PRDM1: variants seen among roughly 807,000 people sequenced by gnomAD.
PRDM1 encodes the protein PR domain zinc finger protein 1.
A neutral mutation model predicts 62.8 loss-of-function variants in PRDM1; 13 were observed. The ratio of observed to expected loss-of-function variants is 0.21; its 90% CI spans 0.13 to 0.33. PRDM1 has a LOEUF of 0.33. PRDM1 is among the 10% of genes least tolerant of loss of function. The pLI, the probability that PRDM1 is intolerant of heterozygous loss-of-function variation, is 1.00. For synonymous variants in PRDM1, 396 were observed against 417.6 expected, an observed-to-expected ratio of 0.95 and a Z score of 0.63; for missense variants, 895 against 1,058.8, an observed-to-expected ratio of 0.85 and a Z score of 2.15.
chr6:106,109,064 A>G lies in PRDM1; in HGVS notation c.*1578A>G, dbSNP rs989668026. The stretch of plus-strand genomic sequence containing the variant: ...AACCACTTAAATTGTGAGCCAAGCC[A>G]TGTAAAAGATCTACTTTTTCTAAGG... On this transcript the variant is annotated 3_prime_UTR_variant, in exon 7 of 7. Transcript: ENST00000369096. 5.2e-6 allele frequency: 1 copy of G among 193,882 alleles called. No individual in the cohort carries two copies. Among genetic ancestry groups the G allele is most frequent in the Non-Finnish European group, 1.0e-5 (1 of 96,288 alleles). 12.0% of individuals were successfully genotyped at this position (193,882 alleles called of 1,614,324 possible).
intron 1 of PRDM1, among the ~76,000 whole-genome samples, chr6:106,025,828 G>A (rs1266338392): frequency 6.6e-6 from 1 of 152,166 alleles, no homozygotes; most frequent in African/African-American, 2.4e-5. Flanking sequence ...TGTCTTTCTG[G>A]TGTTTAGTCA....
At chr6:106,017,142 C>A (rs1177189494) in intron 1 of PRDM1, among the ~76,000 whole-genome samples, 1 of 152,136 alleles carries the variant, frequency 6.6e-6, no homozygotes, top group Non-Finnish European at 1.5e-5. Flanking sequence ...GTTATTGGTT[C>A]TGGTCAACAG....
chr6:106,041,504 TAG>T (rs1772993792), intron 1 of PRDM1, among the ~76,000 whole-genome samples: 2 of 152,172 alleles, frequency 1.3e-5, no homozygotes, highest in African/African-American at 4.8e-5. Context: ...CTACTAATTA[TAG>T]AGAGTTTGGA....
intron 1 of PRDM1, among the ~76,000 whole-genome samples, chr6:106,016,558 A>G (rs901633587): frequency 1.3e-5 from 2 of 151,906 alleles, no homozygotes; most frequent in Admixed American, 6.6e-5. Context: ...AGTTTATTTC[A>G]TAAAGGACAA....
chr6:105,999,741 A>C (rs906810831), intron 1 of PRDM1, among the ~76,000 whole-genome samples: 1 of 152,246 alleles, frequency 6.6e-6, no homozygotes, highest in African/African-American at 2.4e-5. Flanking sequence ...TATGGGTTAA[A>C]TATAAGTTAT....
intron 2 of PRDM1, among the ~76,000 whole-genome samples, chr6:106,094,149 A>G (rs1774028376): frequency 1.3e-5 from 2 of 152,242 alleles, no homozygotes; most frequent in South Asian, 2.1e-4. Context: ...GCATGGATCG[A>G]TTCACATATT....
At chr6:106,093,937 T>G (rs1408803391) in intron 2 of PRDM1, among the ~76,000 whole-genome samples, 2 of 152,234 alleles carry the variant, frequency 1.3e-5, no homozygotes, top group East Asian at 3.8e-4. Flanking sequence ...GTATGCTTCA[T>G]TGATTTGTAT....
intron 4 of PRDM1, among the ~76,000 whole-genome samples, chr6:106,101,996 A>G (rs72941692): frequency 0.044 from 6,740 of 152,270 alleles, 208 homozygotes; most frequent in Non-Finnish European, 0.074. Flanking sequence ...TATCTATCTA[A>G]CTAACCCATC....
chr6:106,083,207 G>C (rs528516055), upstream of PRDM1, among the ~76,000 whole-genome samples: 4 of 118,612 alleles, frequency 3.4e-5, no homozygotes, highest in African/African-American at 1.3e-4. Context: ...AGCGGGAAAT[G>C]GGTGTGGGGG....
upstream of PRDM1, among the ~76,000 whole-genome samples, chr6:106,047,895 T>C (rs562688533): frequency 8.6e-4 from 131 of 152,266 alleles, no homozygotes; most frequent in Non-Finnish European, 1.6e-3. Flanking sequence ...ACCTGGGACA[T>C]TTAAATGAAT....
chr6:106,009,372 C>T lies in PRDM1; in HGVS notation c.-67+15733C>T, dbSNP rs1772518554. Among the ~76,000 whole-genome samples, 8 of 152,252 alleles carry T rather than the reference C, an allele frequency of 5.3e-5. 1 individual carries two copies. The South Asian group carries it at 1.7e-3, about 32-fold the overall frequency. ...TTCCTTTTGGTCCGGAAAGCTGGAT[C>T]ACCCTAGGCTGAAGGAAAAAATGTA... is the stretch of plus-strand genomic sequence containing the variant. On this transcript the variant is annotated intron_variant, in intron 1 of 6. Transcript: ENST00000652320.
At position 106,069,378 on chromosome 6, in the gene PRDM1, A is replaced by C. The variant is rs1029644694; in HGVS notation, c.-66-18823A>C. Among the ~76,000 whole-genome samples the C allele has an allele frequency of 2.0e-5, 3 of 152,344 alleles. No individual in the cohort carries two copies. In the East Asian group the frequency reaches 5.8e-4, roughly 29 times the overall value. On this transcript the variant is annotated intron_variant, in intron 1 of 6. Coordinates refer to the PRDM1 transcript ENST00000651185. ...AGTTATCAAAATTGTTTGTAGACTC[A>C]TGCAACTCCAAAGTGGCGTTAAGTG...
intron 1 of PRDM1, among the ~76,000 whole-genome samples, chr6:106,034,270 C>T (rs1772891487): frequency 1.3e-5 from 2 of 151,594 alleles, no homozygotes; most frequent in South Asian, 2.1e-4. Flanking sequence ...TTGCTCTAAT[C>T]GTTATTATTT....
At chr6:106,003,532 T>G (rs1329728963) in intron 1 of PRDM1, among the ~76,000 whole-genome samples, 3 of 152,184 alleles carry the variant, frequency 2.0e-5, no homozygotes, top group African/African-American at 7.2e-5. Flanking sequence ...TATCTTTAGC[T>G]TCTGCATTAC....
chr6:106,098,827 G>T (rs760623892), intron 3 of PRDM1: 6 of 1,525,062 alleles, frequency 3.9e-6, no homozygotes, highest in East Asian at 5.1e-5. Context: ...TGTAGGAAAC[G>T]GCGAGTACAG....
At chr6:106,012,785 A>C (rs1305111933) in intron 1 of PRDM1, among the ~76,000 whole-genome samples, 1 of 152,268 alleles carries the variant, frequency 6.6e-6, no homozygotes. Context: ...GATACACTCT[A>C]GGGAAAAGAT....
chr6:106,100,655 A>G (rs937040358), intron 4 of PRDM1: 1 of 152,334 alleles, frequency 6.6e-6, no homozygotes, highest in Admixed American at 6.5e-5. Context: ...CTAGTCATAT[A>G]TAATCCAACT....
intron 1 of PRDM1, among the ~76,000 whole-genome samples, chr6:106,067,301 A>C (rs1773447940): frequency 6.6e-6 from 1 of 152,228 alleles, no homozygotes; most frequent in Admixed American, 6.5e-5. Flanking sequence ...ACTTCCCTAG[A>C]ATAAATTCCT....
At chr6:106,011,814 A>T (rs1772552761) in intron 1 of PRDM1, among the ~76,000 whole-genome samples, 1 of 151,958 alleles carries the variant, frequency 6.6e-6, no homozygotes, top group South Asian at 2.1e-4. Context: ...TCACTCACAT[A>T]CACACCCCCA....
Sources: allele counts gnomAD v4.1 joint callset (sites outside exome capture counted in the v4.1 genomes callset), GRCh38; gene constraint gnomAD v4.1.1; transcripts MANE v1.5; gene names NCBI Gene and HGNC (gene_info 2026-07-23, HGNC 2026-07-21).